Variants in TRDN observed in about 807,000 individuals in gnomAD.
TRDN encodes the protein triadin in skeletal muscle.
In TRDN, 161 loss-of-function variants were observed where a neutral mutation model predicts 149.7. The ratio of observed to expected loss-of-function variants is 1.08; its 90% CI spans 0.95 to 1.23. The LOEUF is 1.23. Ranked by LOEUF, TRDN falls within the 50% of genes most tolerant of loss-of-function variation. TRDN has a pLI of 0.00. For synonymous variants in TRDN, 294 were observed against 250.5 expected (o/e 1.17, Z -1.64); for missense variants, 896 against 823.5 (o/e 1.09, Z -1.08).
At chr6:123,415,619 C>T (rs891411961) in intron 12 of TRDN, among the ~76,000 whole-genome samples, 3 of 152,150 alleles carry the variant, frequency 2.0e-5, no homozygotes, top group Non-Finnish European at 4.4e-5. Flanking sequence ...GCCAAATAAT[C>T]ATAACCACAA....
At position 123,393,622 on chromosome 6, in the gene TRDN, AC is replaced by A. The variant is rs1772598763; in HGVS notation, c.1105+1del. ...TGCTTTTTAAAGTGTTTTATTGCTT[AC>A]CTTGTGCTGCAATTTTTACAGTCCC... On this transcript the variant is annotated splice_donor_variant, in intron 13 of 40. Transcript: ENST00000334268. LOFTEE classifies it high-confidence loss of function. 3 of 1,602,134 alleles carry A rather than the reference AC, an allele frequency of 1.9e-6. No individual in the cohort carries two copies. Among genetic ancestry groups the A allele is most frequent in the Admixed American group, 3.4e-5 (2 of 58,730 alleles).
At chr6:123,255,836 C>A (rs759469388) in intron 36 of TRDN, 31 bp downstream of exon 36, 1 of 1,304,302 alleles carries the variant, frequency 7.7e-7, no homozygotes, top group African/African-American at 1.6e-5. Flanking sequence ...CAGGGCTTTG[C>A]ATTCTATTTT....
intron 8 of TRDN, among the ~76,000 whole-genome samples, chr6:123,499,719 A>AATATATATATATATATATATAT (rs71272328): frequency 4.2e-4 from 20 of 47,576 alleles, no homozygotes; most frequent in Non-Finnish European, 5.4e-4. Flanking sequence ...AAAAAAAAAA[A>AATATATATATATATATATATAT]ATATATATAT....
In TRDN at chr6:123,314,661, T is replaced by C. The variant is rs967616367; in HGVS notation, c.1510+1796A>G. Among the ~76,000 whole-genome samples the C allele has an allele frequency of 4.6e-5, 7 of 151,922 alleles. No individual in the cohort carries two copies. In the Admixed American group the frequency reaches 4.6e-4, roughly 10 times the overall value. On this transcript the variant is annotated intron_variant, in intron 24 of 40. Coordinates refer to ENST00000334268, the MANE Select transcript of TRDN (RefSeq NM_006073.4). The stretch of plus-strand genomic sequence containing the variant: ...ATATATACCATGGAATATTATGCAG[T>C]CATGAAAAAGAACAAGATCATGTCC...
intron 9 of TRDN, chr6:123,489,675 A>G (rs148230936): frequency 7.2e-5 from 11 of 152,256 alleles, no homozygotes; most frequent in Middle Eastern, 3.4e-3. Context: ...TCATCAACAT[A>G]GGAACTGTTT....
intron 14 of TRDN, among the ~76,000 whole-genome samples, chr6:123,384,389 A>G (rs1441962907): frequency 1.3e-5 from 2 of 152,212 alleles, no homozygotes; most frequent in Non-Finnish European, 2.9e-5. Flanking sequence ...AGTCCAGAAT[A>G]CAGCCAACAG....
At chr6:123,570,801 A>T in intron 2 of TRDN, 122 bp downstream of exon 2, 1 of 805,078 alleles carries the variant, frequency 1.2e-6, no homozygotes, top group East Asian at 2.7e-5. Flanking sequence ...CCTCAAGCAC[A>T]TTTGTGGGGT....
Position 123,426,215 on chromosome 6 carries a change from A to G in TRDN, c.1051+11848T>C, listed in dbSNP as rs187214242. Among the ~76,000 whole-genome samples the G allele has an allele frequency of 9.2e-5, 14 of 152,264 alleles. No homozygotes were observed. In the East Asian group the frequency reaches 2.7e-3, roughly 29 times the overall value. The stretch of plus-strand genomic sequence containing the variant: ...TCAGAGCTTGTGAGAGATCTCTTCT[A>G]ATTTTTATTTTCTGAGAAAAAAAGG... On this transcript the variant is annotated intron_variant, in intron 12 of 40. Coordinates refer to ENST00000334268, the MANE Select transcript of TRDN (RefSeq NM_006073.4).
chr6:123,448,806 C>G (rs144231861), intron 10 of TRDN, among the ~76,000 whole-genome samples: 1,536 of 152,228 alleles, frequency 0.01, 18 homozygotes, highest in South Asian at 0.044. Context: ...TAAGAACCCT[C>G]ACAGAGTCCA....
rs952933889 is a variant in TRDN at position 123,594,721 on chromosome 6, AAAC to A, written c.23-23592_23-23590del. 1.2e-3 allele frequency among the ~76,000 whole-genome samples: 186 copies of A among 150,848 alleles called. 1 individual carries two copies. Among genetic ancestry groups the A allele is most frequent in the African/African-American group, 4.3e-3 (176 of 40,970 alleles). On this transcript the variant is annotated intron_variant, in intron 1 of 40. Transcript: ENST00000334268. ...ATACAGGGATCATTTTAGGATTAAT[AAAC>A]AACTGAAAATTTATAGTATGAAATG...
intron 24 of TRDN, among the ~76,000 whole-genome samples, chr6:123,281,271 C>CTT (rs1417117393): frequency 6.6e-6 from 1 of 151,792 alleles, no homozygotes; most frequent in Non-Finnish European, 1.5e-5. Context: ...GGCTGAGAAC[C>CTT]TTTTGTTAAT....
chr6:123,631,640 G>A (rs1029010029), intron 1 of TRDN, among the ~76,000 whole-genome samples: 13 of 151,902 alleles, frequency 8.6e-5, no homozygotes, highest in African/African-American at 2.7e-4. Flanking sequence ...AGAATTCACT[G>A]ACCCATATAT....
intron 1 of TRDN, among the ~76,000 whole-genome samples, chr6:123,629,273 G>A (rs1414472689): frequency 1.3e-5 from 2 of 152,098 alleles, no homozygotes; most frequent in Non-Finnish European, 2.9e-5. Context: ...TTGAACGTCT[G>A]TATAAATGGA....
At chr6:123,289,840 C>A (rs1369614055) in intron 24 of TRDN, among the ~76,000 whole-genome samples, 2 of 151,982 alleles carry the variant, frequency 1.3e-5, no homozygotes, top group Non-Finnish European at 2.9e-5. Context: ...ACTTGGGGGC[C>A]CCAGAGCCAG....
intron 24 of TRDN, among the ~76,000 whole-genome samples, chr6:123,303,452 A>G (rs1436926274): frequency 6.6e-6 from 1 of 152,184 alleles, no homozygotes. Context: ...CTATGCAACA[A>G]ACGACATGAA....
intron 1 of TRDN, among the ~76,000 whole-genome samples, chr6:123,622,473 G>A (rs780364843): frequency 3.9e-5 from 6 of 152,094 alleles, no homozygotes; most frequent in Non-Finnish European, 5.9e-5. Context: ...GTGAATTTTC[G>A]ACTGGTAAGT....
rs141603588 is a variant in TRDN, at chr6:123,584,570, C to T, written c.23-13438G>A. On this transcript the variant is annotated intron_variant, in intron 1 of 40. Transcript: ENST00000334268. ...TCGGACACGATCAGCAGGGAACGCA[C>T]GTGTGTTTTTATGAGATTATGCCGA... 4.0e-3 allele frequency among the ~76,000 whole-genome samples: 615 copies of T among 151,994 alleles called. 2 individuals carry two copies. The highest frequency in any genetic ancestry group is 0.013 in the African/African-American group (549 of 41,392).
At chr6:123,588,112 C>T (rs139575285) in intron 1 of TRDN, among the ~76,000 whole-genome samples, 1 of 152,112 alleles carries the variant, frequency 6.6e-6, no homozygotes, top group South Asian at 2.1e-4. Flanking sequence ...GTGCTAGACT[C>T]TCAGTTACTC....
At chr6:123,552,184 C>T (rs1781431838) in intron 2 of TRDN, among the ~76,000 whole-genome samples, 1 of 152,114 alleles carries the variant, frequency 6.6e-6, no homozygotes. Context: ...AAATATACCA[C>T]TGAATGCCGG....
Sources: allele counts gnomAD v4.1 joint callset (sites outside exome capture counted in the v4.1 genomes callset), GRCh38; gene constraint gnomAD v4.1.1; transcripts MANE v1.5; gene names NCBI Gene and HGNC (gene_info 2026-07-23, HGNC 2026-07-21).